ENTPD5: variants seen among roughly 807,000 people sequenced by gnomAD.
The protein encoded by ENTPD5 is nucleoside diphosphate phosphatase ENTPD5.
In ENTPD5, 49 loss-of-function variants were observed where a neutral mutation model predicts 60.2. The ratio of observed to expected loss-of-function variants is 0.81; its 90% CI spans 0.65 to 1.03. The LOEUF is 1.03. Among genes scored for constraint, ENTPD5 ranks in the 50% least tolerant of loss-of-function variants. The pLI, the probability that ENTPD5 is intolerant of heterozygous loss-of-function variation, is 0.00. For missense variants in ENTPD5, 480 were observed against 507.6 expected, an observed-to-expected ratio of 0.95 and a Z score of 0.52; for synonymous variants, 187 against 185.4, an observed-to-expected ratio of 1.01 and a Z score of -0.07.
chr14:73,964,524 AGTAT>A lies in ENTPD5; in HGVS notation c.*2400_*2403del, dbSNP rs1407342617. 1 of 152,216 alleles carries A rather than the reference AGTAT, an allele frequency of 6.6e-6. No homozygotes were observed. The highest frequency in any genetic ancestry group is 1.5e-5 in the Non-Finnish European group (1 of 68,028). 9.4% of individuals were successfully genotyped at this position (152,216 alleles called of 1,614,324 possible). The stretch of plus-strand genomic sequence containing the variant: ...GGATGACCAAAGGAGTCTGCTGGAC[AGTAT>A]GTGTGTTTTACAAAATGGCCCCCAC... On this transcript the variant is annotated 3_prime_UTR_variant, in exon 16 of 16. Transcript: ENST00000334696.
intron 13 of ENTPD5, 43 bp from the exon 14 acceptor site, chr14:73,971,951 A>C (rs2057245737): frequency 8.7e-7 from 1 of 1,144,096 alleles, no homozygotes; most frequent in Admixed American, 1.7e-5. Flanking sequence ...AACGCCTTCA[A>C]GGAAGCATAA....
chr14:73,996,537 G>A (rs1414263802), intron 3 of ENTPD5: 3 of 151,698 alleles, frequency 2.0e-5, no homozygotes, highest in Non-Finnish European at 2.9e-5. Context: ...AGAAACCTGG[G>A]CATTCACCTG....
chr14:73,984,030 C>A (rs116405739), intron 5 of ENTPD5, among the ~76,000 whole-genome samples: 3,165 of 150,762 alleles, frequency 0.021, 100 homozygotes, highest in African/African-American at 0.073. Flanking sequence ...AGTTGATTAT[C>A]TTTTTCTTTT....
intron 14 of ENTPD5, among the ~76,000 whole-genome samples, chr14:73,971,446 C>T (rs930972584): frequency 2.0e-5 from 3 of 152,150 alleles, no homozygotes; most frequent in Admixed American, 2.0e-4. Context: ...CGTGAGCCAC[C>T]GTGCCCGGCC....
At chr14:73,998,367 ACTAGAAGCAAGGAG>A (rs1370340269) in intron 3 of ENTPD5, among the ~76,000 whole-genome samples, 4 of 152,100 alleles carry the variant, frequency 2.6e-5, no homozygotes, top group Non-Finnish European at 4.4e-5. Context: ...GCCTTTGCTC[ACTAGAAGCAAGGAG>A]CTCCCTGACC....
At chr14:73,957,788 T>C (rs17782310), downstream of ENTPD5, among the ~76,000 whole-genome samples, 45,938 of 152,010 alleles carry the variant, frequency 0.3, 8,865 homozygotes, top group Non-Finnish European at 0.42. Context: ...TGGAAGAAAA[T>C]CTTTTGTAGT....
At chr14:74,004,895 G>A (rs568039590) in intron 3 of ENTPD5, among the ~76,000 whole-genome samples, 1 of 152,122 alleles carries the variant, frequency 6.6e-6, no homozygotes, top group Non-Finnish European at 1.5e-5. Flanking sequence ...ATTAGGAGGT[G>A]AGCATCACTG....
At chr14:73,993,080 T>G (rs1566747507) in intron 3 of ENTPD5, among the ~76,000 whole-genome samples, 1 of 152,172 alleles carries the variant, frequency 6.6e-6, no homozygotes, top group Admixed American at 6.5e-5. Flanking sequence ...CTCATGCCTG[T>G]AATCCCGGCA....
At chr14:73,958,046 A>G (rs2056525633), downstream of ENTPD5, 3 of 901,890 alleles carry the variant, frequency 3.3e-6, no homozygotes, top group South Asian at 1.3e-5. Context: ...ATGACAAGAC[A>G]CTGCTGTCCT....
At chr14:74,006,528 C>T (rs2058684197) in intron 3 of ENTPD5, among the ~76,000 whole-genome samples, 3 of 151,916 alleles carry the variant, frequency 2.0e-5, no homozygotes, top group South Asian at 2.1e-4. Flanking sequence ...CGTGATCCGC[C>T]CGCCTCGGCC....
chr14:73,972,039 T>C, intron 13 of ENTPD5, 131 bp from the exon 14 acceptor site: 1 of 667,870 alleles, frequency 1.5e-6, no homozygotes, highest in Non-Finnish European at 2.7e-6. Flanking sequence ...ATTTACAATC[T>C]ATTCCATGTT....
chr14:73,955,880 A>G (rs1219866575), downstream of ENTPD5: 1 of 1,614,044 alleles, frequency 6.2e-7, no homozygotes, highest in South Asian at 1.1e-5. Flanking sequence ...TATCGTGGAG[A>G]ATGATGTCAT....
rs1444977373 is a variant in ENTPD5, at chr14:73,973,866, A to G, written c.886+11T>C. ...AAACGTAACTTTAACCAGTGAAAAAACATCACTTGCCTTCTTGGTTGCCAC... is the reference window on the plus strand; with the variant it reads ...AAACGTAACTTTAACCAGTGAAAAAGCATCACTTGCCTTCTTGGTTGCCAC... On this transcript the variant is annotated intron_variant, in intron 12 of 15. Transcript: ENST00000334696. 1.2e-6 allele frequency: 2 copies of G among 1,610,302 alleles called. No individual in the cohort carries two copies. Among genetic ancestry groups the G allele is most frequent in the Non-Finnish European group, 1.7e-6 (2 of 1,176,682 alleles).
rs1477459055 is a variant in ENTPD5 at position 73,973,048 on chromosome 14, G to GT, written c.887-25dup. On this transcript the variant is annotated intron_variant, in intron 12 of 15. Coordinates refer to ENST00000334696, the MANE Select transcript of ENTPD5 (RefSeq NM_001249.5). The stretch of plus-strand genomic sequence containing the variant: ...CCCTGCCAGGCAAAGGTGCACAGGG[G>GT]TAAGGTGAGAACGACGCTGGGGGAA... 5.6e-6 allele frequency: 9 copies of GT among 1,613,226 alleles called. No homozygotes were observed. In the Admixed American group the frequency reaches 8.3e-5, roughly 15 times the overall value.
downstream of ENTPD5, chr14:73,959,153 C>T: frequency 1.2e-6 from 2 of 1,614,212 alleles, no homozygotes; most frequent in Non-Finnish European, 1.7e-6. Context: ...TTTCTCCTCT[C>T]TGTTGCAGGC....
Position 73,978,565 on chromosome 14 carries a change from C to T in ENTPD5, c.442-1191G>A, listed in dbSNP as rs2057539343. ...GCAGTGAGCCGAGATCGCGCCATTGCACTCTAGCCTGGGTAACAAGAGTGA... is the reference window on the plus strand; with the variant it reads ...GCAGTGAGCCGAGATCGCGCCATTGTACTCTAGCCTGGGTAACAAGAGTGA... On this transcript the variant is annotated intron_variant, in intron 6 of 15. Transcript: ENST00000334696. Among the ~76,000 whole-genome samples the T allele has an allele frequency of 4.6e-5, 7 of 151,822 alleles. No individual in the cohort carries two copies. The South Asian group carries it at 1.5e-3, about 32-fold the overall frequency.
At chr14:73,982,527 C>G (rs982922510) in intron 6 of ENTPD5, among the ~76,000 whole-genome samples, 1 of 151,972 alleles carries the variant, frequency 6.6e-6, no homozygotes, top group Non-Finnish European at 1.5e-5. Context: ...GAGGCTGAGG[C>G]GGGCAGATCA....
chr14:73,976,090 C>T, intron 9 of ENTPD5, 75 bp from the exon 10 acceptor site: 1 of 1,254,668 alleles, frequency 8.0e-7, no homozygotes, highest in East Asian at 2.3e-5. Context: ...CCACCCGTCC[C>T]TCCCAGCAAA....
chr14:73,983,291 G>C, intron 5 of ENTPD5, 130 bp from the exon 6 acceptor site: 1 of 936,664 alleles, frequency 1.1e-6, no homozygotes, highest in Non-Finnish European at 1.5e-6. Context: ...TCTCTGCTCT[G>C]TAGCAGGAGA....
Sources: gnomAD v4.1 joint callset for allele counts (sites outside exome capture counted in the v4.1 genomes callset) on GRCh38, gnomAD v4.1.1 for gene constraint, MANE v1.5 for transcripts, NCBI Gene and HGNC (gene_info 2026-07-23, HGNC 2026-07-21) for gene names.